The following GCM2 variants were observed in gnomAD, a reference collection of about 807,000 sequenced individuals.
The protein encoded by GCM2 is chorion-specific transcription factor GCMb.
In GCM2, 21 loss-of-function variants were observed where a neutral mutation model predicts 24.8. The ratio of observed to expected loss-of-function variants is 0.85; its 90% CI spans 0.60 to 1.22. GCM2 has a LOEUF of 1.22. Among genes scored for constraint, GCM2 ranks in the 50% most tolerant of loss-of-function variants. The probability of loss-of-function intolerance (pLI) is 0.00; values close to 1 mark genes in which losing one functional copy is unlikely to be tolerated. For synonymous variants in GCM2, 222 were observed against 238.0 expected (o/e 0.93, Z 0.62); for missense variants, 532 against 645.6 (o/e 0.82, Z 1.91).
chr6:10,880,955 C>T (rs1446577975), intron 1 of GCM2, among the ~76,000 whole-genome samples: 1 of 152,148 alleles, frequency 6.6e-6, no homozygotes, highest in East Asian at 1.9e-4. Context: ...TAGATTTTCT[C>T]CTTAGCTTCC....
rs771004736 is a variant in GCM2 at position 10,874,418 on chromosome 6, G to T, written c.1098C>A (p.Cys366Ter). 2 of 1,614,218 alleles carry T rather than the reference G, an allele frequency of 1.2e-6. No individual in the cohort carries two copies. Among genetic ancestry groups the T allele is most frequent in the Non-Finnish European group, 1.7e-6 (2 of 1,180,032 alleles). ...TRPYYNPELP[C>*]RYLTTPPPGA... The stretch of plus-strand genomic sequence containing the variant: ...CTGGTGGTGGAGTCGTGAGGTACCT[G>T]CAGGGAAGCTCTGGGTTATAATAAG... Residue 366 changes from cysteine to a stop codon, truncating the protein, a stop_gained, in exon 5 of 5, where the codon TGC becomes TGA. Coordinates refer to ENST00000379491, the MANE Select transcript of GCM2 (RefSeq NM_004752.4). LOFTEE classifies it low-confidence loss of function (END_TRUNC).
Position 10,877,190 on chromosome 6 carries a change from C to T in GCM2, c.293G>A (p.Arg98His), listed in dbSNP as rs371572960. Residue 98 changes from arginine to histidine, a missense_variant, in exon 2 of 5, where the codon CGC becomes CAC. Transcript: ENST00000379491. ...GCAGATGGCCGGCCTCAGCTGCAGGCGGGAACCGTCGGGCAGGGTGCAGGC... is the reference window on the plus strand; with the variant it reads ...GCAGATGGCCGGCCTCAGCTGCAGGTGGGAACCGTCGGGCAGGGTGCAGGC... ...TQACTLPDGS[R>H]LQLRPAICDK... 9.9e-6 allele frequency: 16 copies of T among 1,613,764 alleles called. No homozygotes were observed. In the African/African-American group the frequency reaches 1.1e-4, roughly 11 times the overall value.
intron 2 of GCM2, 38 bp downstream of exon 2, chr6:10,877,102 A>T: frequency 6.2e-7 from 1 of 1,604,068 alleles, no homozygotes; most frequent in Non-Finnish European, 8.5e-7. Flanking sequence ...AAAACTCATG[A>T]CTCCAAGGTC....
chr6:10,881,671 C>T (rs1330418202), intron 1 of GCM2, 33 bp downstream of exon 1: 4 of 1,531,310 alleles, frequency 2.6e-6, no homozygotes, highest in East Asian at 2.3e-5. Context: ...ATGGACAGCG[C>T]CCCGCGTGCC....
intron 1 of GCM2, among the ~76,000 whole-genome samples, chr6:10,878,090 G>A (rs924247498): frequency 2.0e-5 from 3 of 152,136 alleles, no homozygotes; most frequent in Non-Finnish European, 4.4e-5. Context: ...GAGCTTTGGG[G>A]TGTGGGTGAG....
chr6:10,874,562 G>T lies in GCM2; in HGVS notation c.954C>A (p.Ser318Arg), dbSNP rs768967149. Residue 318 changes from serine (S) to arginine (R), a missense_variant, in exon 5 of 5, where the codon AGC becomes AGA. Ser to Arg is a moderately radical substitution (Grantham distance 110, BLOSUM62 -1). Around this residue, in one of 3 missense-constraint regions of GCM2, gnomAD observed 434 missense variants for 521.9 expected, o/e 0.83. Coordinates refer to ENST00000379491, the MANE Select transcript of GCM2 (RefSeq NM_004752.4). ...NTLQCNVNSY[S>R]SYERSFDFTN... ...TGAAATCAAAGCTTCTCTCATAGCT[G>T]CTGTATGAATTGACATTACATTGTA... 8 of 1,614,026 alleles carry T rather than the reference G, an allele frequency of 5.0e-6. No individual in the cohort carries two copies. The South Asian group carries it at 8.8e-5, about 18-fold the overall frequency.
In GCM2 at chr6:10,873,922, A is replaced by G; in HGVS notation, c.*73T>C. ...AAGGTGAATCTCCCAACTCAATAAG[A>G]GATCATTGCCATTTCACATTTCCCT... On this transcript the variant is annotated 3_prime_UTR_variant, in exon 5 of 5. Transcript: ENST00000379491. The G allele has an allele frequency of 8.8e-7, 1 of 1,135,346 alleles. No individual in the cohort carries two copies. Among genetic ancestry groups the G allele is most frequent in the Non-Finnish European group, 1.3e-6 (1 of 752,042 alleles). 70.3% of individuals were successfully genotyped at this position (1,135,346 alleles called of 1,614,324 possible). A position where few individuals can be genotyped will look rare whatever the true frequency, so the allele number is the denominator to read the frequency against.
intron 4 of GCM2, among the ~76,000 whole-genome samples, chr6:10,875,361 G>T (rs556061530): frequency 1.3e-5 from 2 of 152,244 alleles, no homozygotes; most frequent in East Asian, 3.9e-4. Flanking sequence ...TCATTATAAG[G>T]TTTCTGCAAC....
Position 10,874,823 on chromosome 6 carries a change from A to G in GCM2, c.693T>C (p.Pro231=). 1 of 1,612,922 alleles carries G rather than the reference A, an allele frequency of 6.2e-7. No homozygotes were observed. The highest frequency in any genetic ancestry group is 8.5e-7 in the Non-Finnish European group (1 of 1,179,048). Residue 231 remains proline, a synonymous_variant, in exon 5 of 5, where the codon CCT becomes CCC. Transcript: ENST00000379491. Reference sequence around the variant, plus strand: ...CATCAGACTTTGGGAAGGAAGGGCAAGGCTGCCCTGGAATAGGGAAGCTGG... The same window carrying G: ...CATCAGACTTTGGGAAGGAAGGGCAGGGCTGCCCTGGAATAGGGAAGCTGG... ...TETSFPIPGQ[P]CPSFPKSDVY...
At chr6:10,878,155 A>T (rs1371271547) in intron 1 of GCM2, among the ~76,000 whole-genome samples, 1 of 152,190 alleles carries the variant, frequency 6.6e-6, no homozygotes, top group Non-Finnish European at 1.5e-5. Context: ...ATTCTCCTCA[A>T]CAAAGAGCCA....
intron 1 of GCM2, among the ~76,000 whole-genome samples, chr6:10,881,319 G>A (rs1047508953): frequency 1.3e-5 from 2 of 151,966 alleles, no homozygotes; most frequent in African/African-American, 4.8e-5. Flanking sequence ...CCACCACGCT[G>A]GGCTGATTTT....
chr6:10,881,050 T>C (rs774260570), intron 1 of GCM2, among the ~76,000 whole-genome samples: 7 of 152,194 alleles, frequency 4.6e-5, no homozygotes, highest in Non-Finnish European at 1.0e-4. Flanking sequence ...GGCGTCCCGC[T>C]CTCCCCAAGA....
intron 3 of GCM2, among the ~76,000 whole-genome samples, 160 bp from the exon 4 acceptor site, chr6:10,876,176 A>G (rs1779874910): frequency 6.6e-6 from 1 of 152,268 alleles, no homozygotes; most frequent in African/African-American, 2.4e-5. Context: ...AACAGGCTCA[A>G]GAATTGACAT....
rs1779835840 is a variant in GCM2 at position 10,873,780 on chromosome 6, G to A, written c.*215C>T. On this transcript the variant is annotated 3_prime_UTR_variant, in exon 5 of 5. Transcript: ENST00000379491. ...CTCACACTTTCCTCACTACTTCTAT[G>A]TATTGTAGCCAGTTTCAAAATGCTG... 1 of 610,852 alleles carries A rather than the reference G, an allele frequency of 1.6e-6. No homozygotes were observed. 37.8% of individuals were successfully genotyped at this position (610,852 alleles called of 1,614,324 possible). A position where few individuals can be genotyped will look rare whatever the true frequency, so the allele number is the denominator to read the frequency against.
chr6:10,878,130 C>G (rs1273834704), intron 1 of GCM2, among the ~76,000 whole-genome samples: 1 of 152,080 alleles, frequency 6.6e-6, no homozygotes, highest in African/African-American at 2.4e-5. Context: ...CTCCCCAGAG[C>G]AATATGGGAC....
At chr6:10,877,777 C>G (rs1470544124) in intron 1 of GCM2, among the ~76,000 whole-genome samples, 2 of 152,194 alleles carry the variant, frequency 1.3e-5, no homozygotes, top group East Asian at 3.8e-4. Flanking sequence ...GCCTGTACTT[C>G]TTACCACTAT....
chr6:10,878,596 GCATAAGC>G (rs1779915017), intron 1 of GCM2, among the ~76,000 whole-genome samples: 1 of 152,162 alleles, frequency 6.6e-6, no homozygotes. Context: ...GGGATTACAG[GCATAAGC>G]CACCATGCCC....
In GCM2 at chr6:10,873,864, A is replaced by G. The variant is rs1261479239; in HGVS notation, c.*131T>C. ...ACTGATTATTTTCTCAGTTACTCAGAATTTTTACTACTATCTGTGTTTCTT... is the reference window on the plus strand; with the variant it reads ...ACTGATTATTTTCTCAGTTACTCAGGATTTTTACTACTATCTGTGTTTCTT... On this transcript the variant is annotated 3_prime_UTR_variant, in exon 5 of 5. Coordinates refer to ENST00000379491, the MANE Select transcript of GCM2 (RefSeq NM_004752.4). 6 of 748,736 alleles carry G rather than the reference A, an allele frequency of 8.0e-6. No individual in the cohort carries two copies. In the East Asian group the frequency reaches 8.0e-5, roughly 10 times the overall value. The allele number at this position is 748,736 out of a possible 1,614,324, so 46.4% of individuals were successfully genotyped here. A position where few individuals can be genotyped will look rare whatever the true frequency, so the allele number is the denominator to read the frequency against.
intron 1 of GCM2, among the ~76,000 whole-genome samples, chr6:10,881,159 C>CTTA (rs1391883500): frequency 2.0e-5 from 3 of 151,818 alleles, no homozygotes; most frequent in Non-Finnish European, 4.4e-5. Context: ...TCTTCTTCTT[C>CTTA]TTCTTCTTCT....
Sources: allele counts gnomAD v4.1 joint callset (sites outside exome capture counted in the v4.1 genomes callset), GRCh38; gene constraint gnomAD v4.1.1; regional missense constraint gnomAD v4.1.1; transcripts MANE v1.5; gene names NCBI Gene and HGNC (gene_info 2026-07-23, HGNC 2026-07-21).